The following IMPA2 variants were observed in gnomAD, a reference collection of about 807,000 sequenced individuals.
IMPA2 encodes IMP 2.
Under a neutral mutation model 35.1 loss-of-function variants are expected in IMPA2, and 32 were observed. The observed-to-expected ratio is 0.91, with a 90% CI of 0.69 to 1.23. The LOEUF is 1.23. Among genes scored for constraint, IMPA2 ranks in the 50% most tolerant of loss-of-function variants. The pLI is 0.00. For missense variants in IMPA2, 334 were observed against 387.6 expected (o/e 0.86, Z 1.16); for synonymous variants, 135 against 160.6 (o/e 0.84, Z 1.20).
rs1907514347 is a variant in IMPA2 at position 12,014,291 on chromosome 18, C to T, written c.408C>T (p.Cys136=). 6.2e-7 allele frequency: 1 copy of T among 1,613,854 alleles called. No individual in the cohort carries two copies. Among genetic ancestry groups the T allele is most frequent in the African/African-American group, 1.3e-5 (1 of 74,934 alleles). ...TTGAATTCGGAGTGATTTACCACTG[C>T]ACAGAGGAGCGGCTGTACACGGGCC... ...QELEFGVIYH[C]TEERLYTGRR... is the part of the protein sequence containing the mutation. The change falls in exon 5 of 8, where the codon TGC becomes TGT. Residue 136 remains cysteine, a synonymous_variant. Transcript: ENST00000269159.
At chr18:11,989,732 A>G (rs780321962) in intron 1 of IMPA2, among the ~76,000 whole-genome samples, 24 of 152,118 alleles carry the variant, frequency 1.6e-4, no homozygotes, top group Non-Finnish European at 3.2e-4. Flanking sequence ...CCCCTTAAGG[A>G]GAGGCTGGTA....
chr18:12,030,781 A>C lies in IMPA2; in HGVS notation c.*323A>C. ...CTTGATTTTTCCCCCCAGAATATAA[A>C]TCTCAGGTAATAAGGCTTTAGAACT... is the stretch of plus-strand genomic sequence containing the variant. On this transcript the variant is annotated 3_prime_UTR_variant, in exon 8 of 8. Coordinates refer to ENST00000269159, the MANE Select transcript of IMPA2 (RefSeq NM_014214.3). 3.4e-6 allele frequency: 1 copy of C among 289,996 alleles called. No individual in the cohort carries two copies. The highest frequency in any genetic ancestry group is 2.2e-5 in the African/African-American group (1 of 45,414). 18.0% of individuals were successfully genotyped at this position (289,996 alleles called of 1,614,324 possible).
intron 5 of IMPA2, among the ~76,000 whole-genome samples, chr18:12,015,220 A>G (rs56279901): frequency 6.6e-6 from 1 of 152,036 alleles, no homozygotes; most frequent in African/African-American, 2.4e-5. Context: ...TGGCGTGGAC[A>G]TCATGCAGGG....
intron 2 of IMPA2, among the ~76,000 whole-genome samples, chr18:12,000,028 A>G (rs1282659652): frequency 6.6e-6 from 1 of 152,166 alleles, no homozygotes; most frequent in Admixed American, 6.5e-5. Context: ...AAACTGGAAT[A>G]CCAGTTATTG....
chr18:11,999,031 C>CA, intron 1 of IMPA2, 23 bp from the exon 2 acceptor site: 1 of 1,593,888 alleles, frequency 6.3e-7, no homozygotes, highest in African/African-American at 1.4e-5. Flanking sequence ...ATGTTTAACC[C>CA]AAATCCCGTA....
Position 12,030,473 on chromosome 18 carries a change from A to G in IMPA2, c.*15A>G, listed in dbSNP as rs746242872. The stretch of plus-strand genomic sequence containing the variant: ...ATGAGAAGTGACTGCGGCTGAGGCA[A>G]AGCTGCTCCCAAGGCCTCCCTGGGC... On this transcript the variant is annotated 3_prime_UTR_variant, in exon 8 of 8. Coordinates refer to ENST00000269159, the MANE Select transcript of IMPA2 (RefSeq NM_014214.3). 3 of 1,608,400 alleles carry G rather than the reference A, an allele frequency of 1.9e-6. No individual in the cohort carries two copies. Among genetic ancestry groups the G allele is most frequent in the South Asian group, 1.1e-5 (1 of 90,962 alleles).
chr18:12,020,109 C>G (rs1338946337), intron 5 of IMPA2, among the ~76,000 whole-genome samples: 1 of 151,950 alleles, frequency 6.6e-6, no homozygotes, highest in Non-Finnish European at 1.5e-5. Context: ...CTCCTGACCT[C>G]AGGTGATCCA....
intron 5 of IMPA2, among the ~76,000 whole-genome samples, chr18:12,017,446 A>G (rs1214640266): frequency 6.6e-6 from 1 of 152,164 alleles, no homozygotes; most frequent in African/African-American, 2.4e-5. Context: ...TAATCCCATC[A>G]GTGTTCAAAT....
chr18:12,000,836 C>G (rs971358929), intron 2 of IMPA2, among the ~76,000 whole-genome samples: 8 of 150,768 alleles, frequency 5.3e-5, no homozygotes, highest in Non-Finnish European at 1.0e-4. Flanking sequence ...AGGATGGTCT[C>G]GATCTCCTGA....
intron 5 of IMPA2, among the ~76,000 whole-genome samples, chr18:12,017,438 A>T (rs907707330): frequency 6.6e-6 from 1 of 152,160 alleles, no homozygotes; most frequent in African/African-American, 2.4e-5. Context: ...TCAGCAAATA[A>T]TCCCATCAGT....
rs1453088685 is a variant in IMPA2 at position 12,023,722 on chromosome 18, C to T, written c.491-4321C>T. 2.0e-5 allele frequency among the ~76,000 whole-genome samples: 3 copies of T among 152,126 alleles called. No individual in the cohort carries two copies. The East Asian group carries it at 5.8e-4, about 29-fold the overall frequency. On this transcript the variant is annotated intron_variant, in intron 5 of 7. Coordinates refer to ENST00000269159, the MANE Select transcript of IMPA2 (RefSeq NM_014214.3). ...CTTCAGTGTCTTCCTTCATCTCTTC[C>T]CAGGGTCATTAACACTGGTGCCAGC...
At chr18:12,014,768 C>A (rs534279759) in intron 5 of IMPA2, among the ~76,000 whole-genome samples, 1 of 152,128 alleles carries the variant, frequency 6.6e-6, no homozygotes, top group Non-Finnish European at 1.5e-5. Context: ...CAGTCTGTGG[C>A]CCCTGAGTGT....
rs1598709718 is a variant in IMPA2 at position 12,030,823 on chromosome 18, G to A, written c.*365G>A. The A allele has an allele frequency of 1.8e-5, 4 of 218,398 alleles. No individual in the cohort carries two copies. The South Asian group carries it at 2.2e-4, about 12-fold the overall frequency. 13.5% of individuals were successfully genotyped at this position (218,398 alleles called of 1,614,324 possible). A position where few individuals can be genotyped will look rare whatever the true frequency, so the allele number is the denominator to read the frequency against. On this transcript the variant is annotated 3_prime_UTR_variant, in exon 8 of 8. Coordinates refer to ENST00000269159, the MANE Select transcript of IMPA2 (RefSeq NM_014214.3). Reference sequence around the variant, plus strand: ...TTTAGAACTGCTGATAAAGCGGATCGTTCTCAGGCCCTCCCCCCGGAGTAC... The same window carrying A: ...TTTAGAACTGCTGATAAAGCGGATCATTCTCAGGCCCTCCCCCCGGAGTAC...
chr18:12,010,386 G>A lies in IMPA2; in HGVS notation c.335+399G>A, dbSNP rs1907399938. ...GTGTAGAGAGTGGCCTGTGACAGGT[G>A]AGACTTGAGAGCCAGCTTCCTGTAT... On this transcript the variant is annotated intron_variant, in intron 3 of 7. Transcript: ENST00000269159. The surrounding 1 kb of genome is among the most constrained non-coding windows in gnomAD (Gnocchi z 4.8). 6.6e-6 allele frequency among the ~76,000 whole-genome samples: 1 copy of A among 152,184 alleles called. No individual in the cohort carries two copies. The highest frequency in any genetic ancestry group is 6.5e-5 in the Admixed American group (1 of 15,284).
chr18:12,004,534 GTT>G (rs558164660), intron 2 of IMPA2, among the ~76,000 whole-genome samples: 3 of 139,604 alleles, frequency 2.1e-5, no homozygotes, highest in Non-Finnish European at 3.1e-5. Flanking sequence ...TATATTGTGG[GTT>G]TTTTTTTTTT....
Position 12,028,830 on chromosome 18 carries a change from C to A in IMPA2, c.600-12C>A, listed in dbSNP as rs762272145. On this transcript the variant is annotated splice_polypyrimidine_tract_variant and intron_variant, in intron 6 of 7. Transcript: ENST00000269159. ...CTCCCGCCTGCATCTGTCCTCCCTT[C>A]CCTCTCCCCAGGGTCCGAGTGATTG... The A allele has an allele frequency of 5.6e-6, 9 of 1,613,044 alleles. No homozygotes were observed. In the Admixed American group the frequency reaches 1.2e-4, roughly 21 times the overall value.
At chr18:11,997,953 A>C (rs2143788910) in intron 1 of IMPA2, among the ~76,000 whole-genome samples, 1 of 152,286 alleles carries the variant, frequency 6.6e-6, no homozygotes, top group Non-Finnish European at 1.5e-5. Context: ...GGATCGCTTG[A>C]GCCCAGGAGT....
At chr18:11,985,177 T>C (rs1178260897) in intron 1 of IMPA2, among the ~76,000 whole-genome samples, 17 of 126,022 alleles carry the variant, frequency 1.3e-4, no homozygotes, top group East Asian at 1.1e-3. Flanking sequence ...AAAGAGAAAA[T>C]ACAAAATTAC....
chr18:12,001,890 G>A (rs1256775215), intron 2 of IMPA2, among the ~76,000 whole-genome samples: 1 of 152,232 alleles, frequency 6.6e-6, no homozygotes. Context: ...CCACAAGTCA[G>A]TGGACTGTGG....
Sources: gnomAD v4.1 joint callset for allele counts (sites outside exome capture counted in the v4.1 genomes callset) on GRCh38, gnomAD v4.1.1 for gene constraint, Gnocchi (gnomAD v3.1) non-coding constraint, MANE v1.5 for transcripts, NCBI Gene and HGNC (gene_info 2026-07-23, HGNC 2026-07-21) for gene names.